The following GRID2 variants were observed in gnomAD, a reference collection of about 807,000 sequenced individuals.
The protein encoded by GRID2 is glutamate ionotropic receptor delta type subunit 2, also known as glutamate receptor ionotropic, delta-2.
In GRID2, 33 loss-of-function variants were observed where a neutral mutation model predicts 114.8. The ratio of observed to expected loss-of-function variants is 0.29; its 90% confidence interval spans 0.22 to 0.38. The LOEUF is 0.38. Ranked by LOEUF, GRID2 falls within the 10% of genes least tolerant of loss-of-function variation. The pLI is 1.00. For missense variants in GRID2, 1,184 were observed against 1,257.7 expected, an observed-to-expected ratio of 0.94 and a Z score of 0.89; for synonymous variants, 505 against 449.9, an observed-to-expected ratio of 1.12 and a Z score of -1.55.
At chr4:92,410,180 C>A (rs1731227765) in intron 1 of GRID2, among the ~76,000 whole-genome samples, 2 of 152,130 alleles carry the variant, frequency 1.3e-5, no homozygotes, top group African/African-American at 2.4e-5. Flanking sequence ...TTCTATCTGT[C>A]CTTGAACACG....
intron 6 of GRID2, among the ~76,000 whole-genome samples, chr4:93,220,705 G>T (rs1028264297): frequency 6.6e-6 from 1 of 152,074 alleles, no homozygotes; most frequent in African/African-American, 2.4e-5. Context: ...GGTTTCTTTT[G>T]TCCAGAGTTT....
chr4:93,436,486 A>G (rs1177474284), intron 10 of GRID2, among the ~76,000 whole-genome samples: 2 of 152,128 alleles, frequency 1.3e-5, no homozygotes, highest in East Asian at 3.9e-4. Context: ...CAAAACACCT[A>G]GAGCAAGCCT....
intron 2 of GRID2, among the ~76,000 whole-genome samples, chr4:92,736,876 C>T (rs760118966): frequency 5.3e-5 from 8 of 151,996 alleles, no homozygotes; most frequent in Non-Finnish European, 1.0e-4. Context: ...CAGGAATACT[C>T]AGAAAGAATT....
At chr4:92,934,011 C>T (rs889818475) in intron 2 of GRID2, among the ~76,000 whole-genome samples, 4 of 151,668 alleles carry the variant, frequency 2.6e-5, no homozygotes, top group Non-Finnish European at 4.4e-5. Flanking sequence ...TGCAAGTATA[C>T]ACAGCAAGTT....
At chr4:93,725,247 C>A (rs540156545) in intron 14 of GRID2, among the ~76,000 whole-genome samples, 1 of 152,224 alleles carries the variant, frequency 6.6e-6, no homozygotes, top group East Asian at 1.9e-4. Flanking sequence ...GGTTTTCTGT[C>A]CTTGCGATAG....
chr4:93,374,491 C>T (rs534816198), intron 8 of GRID2, among the ~76,000 whole-genome samples: 39 of 152,248 alleles, frequency 2.6e-4, no homozygotes, highest in African/African-American at 8.9e-4. Context: ...CAGGTCAATA[C>T]TTATTTGGTT....
chr4:92,797,093 G>C (rs1366692591), intron 2 of GRID2, among the ~76,000 whole-genome samples: 1 of 151,832 alleles, frequency 6.6e-6, no homozygotes, highest in Admixed American at 6.6e-5. Flanking sequence ...GTTTATAGTG[G>C]ATATCAAGTA....
chr4:92,501,934 TA>T (rs1723704715), intron 1 of GRID2, among the ~76,000 whole-genome samples: 1 of 152,192 alleles, frequency 6.6e-6, no homozygotes, highest in Admixed American at 6.5e-5. Context: ...AGGCATAGAA[TA>T]TTTTCATGAA....
rs866254227 is a variant in GRID2 at position 92,614,146 on chromosome 4, G to A, written c.244+23860G>A. Among the ~76,000 whole-genome samples, 4 of 151,416 alleles carry A rather than the reference G, an allele frequency of 2.6e-5. No individual in the cohort carries two copies. The South Asian group carries it at 6.2e-4, about 24-fold the overall frequency. ...TGGAACTTATTCATTTTATCTAGCT[G>A]TAATTACGTGTGCTTTGACAAATTT... is the stretch of plus-strand genomic sequence containing the variant. On this transcript the variant is annotated intron_variant, in intron 2 of 15. Transcript: ENST00000282020.
intron 12 of GRID2, among the ~76,000 whole-genome samples, chr4:93,500,151 C>G (rs1299335985): frequency 6.6e-6 from 1 of 151,974 alleles, no homozygotes; most frequent in African/African-American, 2.4e-5. Flanking sequence ...AGACTGGATT[C>G]AAACAAATCT....
chr4:92,796,185 G>A (rs552273316), intron 2 of GRID2, among the ~76,000 whole-genome samples: 1 of 151,964 alleles, frequency 6.6e-6, no homozygotes, highest in Non-Finnish European at 1.5e-5. Flanking sequence ...GAGTCTTAAA[G>A]GTCTTTATGA....
chr4:92,684,827 A>G (rs948904277), intron 2 of GRID2, among the ~76,000 whole-genome samples: 1 of 152,086 alleles, frequency 6.6e-6, no homozygotes, highest in Non-Finnish European at 1.5e-5. Context: ...CTTATGAAAT[A>G]TCCCGAATCA....
At chr4:92,421,924 C>T (rs1361541413) in intron 1 of GRID2, among the ~76,000 whole-genome samples, 6 of 152,060 alleles carry the variant, frequency 3.9e-5, no homozygotes, top group Non-Finnish European at 8.8e-5. Flanking sequence ...TCGCTTCTTG[C>T]AGTTACATTC....
chr4:92,995,722 A>C (rs1460015920), intron 2 of GRID2, among the ~76,000 whole-genome samples: 1 of 152,192 alleles, frequency 6.6e-6, no homozygotes, highest in Non-Finnish European at 1.5e-5. Context: ...GGAAATGACT[A>C]CTATTGCTAC....
rs141258552 is a variant in GRID2, at chr4:92,642,040, C to T, written c.244+51754C>T. Among the ~76,000 whole-genome samples the T allele has an allele frequency of 2.7e-3, 414 of 151,236 alleles. 1 individual carries two copies. Among genetic ancestry groups the T allele is most frequent in the Non-Finnish European group, 4.4e-3 (296 of 67,722 alleles). On this transcript the variant is annotated intron_variant, in intron 2 of 15. Coordinates refer to ENST00000282020, the MANE Select transcript of GRID2 (RefSeq NM_001510.4). Reference sequence around the variant, plus strand: ...CTTTATCCAATCTACCATTGATAGGCGCCTAGGTTGATTTCATTATCTTTG... The same window carrying T: ...CTTTATCCAATCTACCATTGATAGGTGCCTAGGTTGATTTCATTATCTTTG...
intron 4 of GRID2, among the ~76,000 whole-genome samples, chr4:93,127,205 A>G (rs774687183): frequency 5.3e-5 from 8 of 152,176 alleles, no homozygotes; most frequent in Non-Finnish European, 1.0e-4. Flanking sequence ...AAGTTATTAT[A>G]CTATTTTTTA....
At chr4:92,405,988 A>C (rs1022665741) in intron 1 of GRID2, among the ~76,000 whole-genome samples, 3 of 152,148 alleles carry the variant, frequency 2.0e-5, no homozygotes, top group Non-Finnish European at 4.4e-5. Context: ...AAGAACTTGG[A>C]GTCCAATGTT....
chr4:92,740,690 T>TAGATTA lies in GRID2; in HGVS notation c.244+150404_244+150405insAGATTA, dbSNP rs1553922534. ...TATTCTGCATAGATAGATAGATAGA[T>TAGATTA]GATAGATAGATAGATAGATAGATAG... On this transcript the variant is annotated intron_variant, in intron 2 of 15. Coordinates refer to ENST00000282020, the MANE Select transcript of GRID2 (RefSeq NM_001510.4). Among the ~76,000 whole-genome samples the TAGATTA allele has an allele frequency of 5.2e-3, 636 of 121,308 alleles. 4 individuals carry two copies. Among genetic ancestry groups the TAGATTA allele is most frequent in the East Asian group, 0.029 (105 of 3,566 alleles). The allele number at this position is 121,308 out of a possible 152,430, so 79.6% of individuals were successfully genotyped here. A position where few individuals can be genotyped will look rare whatever the true frequency, so the allele number is the denominator to read the frequency against.
intron 8 of GRID2, among the ~76,000 whole-genome samples, chr4:93,247,983 GTGTC>G (rs558067954): frequency 5.1e-4 from 78 of 152,026 alleles, no homozygotes; most frequent in Non-Finnish European, 9.1e-4. Context: ...GTTCAAGACT[GTGTC>G]TGATACAGAG....
Sources: gnomAD v4.1 joint callset for allele counts (sites outside exome capture counted in the v4.1 genomes callset) on GRCh38, gnomAD v4.1.1 for gene constraint, MANE v1.5 for transcripts, NCBI Gene and HGNC (gene_info 2026-07-23, HGNC 2026-07-21) for gene names.